LRRTM4: variants seen among roughly 807,000 people sequenced by gnomAD.
LRRTM4 encodes the protein leucine rich repeat transmembrane neuronal 4.
Under a neutral mutation model 47.6 loss-of-function variants are expected in LRRTM4, and 25 were observed. That is an observed-to-expected ratio of 0.53 (90% CI 0.38 to 0.73). The LOEUF (loss-of-function observed/expected upper bound fraction) is 0.73, where lower values mean the gene tolerates loss of function less well. LRRTM4 is among the 30% of genes least tolerant of loss of function. The pLI is 0.00. For synonymous variants in LRRTM4, 311 were observed against 269.5 expected (o/e 1.15, Z -1.51); for missense variants, 638 against 713.4 (o/e 0.89, Z 1.20).
intron 3 of LRRTM4, among the ~76,000 whole-genome samples, chr2:76,938,196 A>T (rs1032042707): frequency 3.3e-5 from 5 of 152,068 alleles, no homozygotes; most frequent in Non-Finnish European, 5.9e-5. Flanking sequence ...ATCTGTTCTC[A>T]ATCCATCTAC....
intron 3 of LRRTM4, among the ~76,000 whole-genome samples, chr2:76,888,055 G>C: frequency 6.7e-6 from 1 of 149,688 alleles, no homozygotes. Flanking sequence ...ATACATATAT[G>C]TGTGTTTGTA....
intron 3 of LRRTM4, among the ~76,000 whole-genome samples, chr2:76,907,597 A>C (rs903900771): frequency 1.4e-5 from 2 of 138,792 alleles, no homozygotes; most frequent in Non-Finnish European, 3.1e-5. Flanking sequence ...GACCACTAGC[A>C]AGACTAATAA....
At chr2:77,103,949 C>T (rs1671027492) in intron 3 of LRRTM4, among the ~76,000 whole-genome samples, 1 of 152,104 alleles carries the variant, frequency 6.6e-6, no homozygotes, top group African/African-American at 2.4e-5. Context: ...GATCTCAGTT[C>T]TGATCTGTCC....
chr2:77,114,616 T>G (rs1035752342), intron 3 of LRRTM4, among the ~76,000 whole-genome samples: 19 of 152,210 alleles, frequency 1.2e-4, no homozygotes, highest in African/African-American at 4.6e-4. Flanking sequence ...CCCCAATATT[T>G]CAACGTAGGT....
At chr2:77,407,695 TGATA>T (rs1298383344) in intron 3 of LRRTM4, among the ~76,000 whole-genome samples, 6,740 of 136,220 alleles carry the variant, frequency 0.049, 174 homozygotes, top group South Asian at 0.088. Flanking sequence ...ATATAATATA[TGATA>T]TATATAATAT....
chr2:77,438,279 A>T (rs534891816), intron 3 of LRRTM4, among the ~76,000 whole-genome samples: 1 of 152,216 alleles, frequency 6.6e-6, no homozygotes, highest in East Asian at 1.9e-4. Flanking sequence ...ACATGGATTT[A>T]AAACTGTTTT....
At chr2:76,792,666 T>C (rs1675038451) in intron 3 of LRRTM4, among the ~76,000 whole-genome samples, 1 of 152,118 alleles carries the variant, frequency 6.6e-6, no homozygotes, top group African/African-American at 2.4e-5. Flanking sequence ...CTCTGTTGAA[T>C]ACTAGATGAA....
intron 3 of LRRTM4, among the ~76,000 whole-genome samples, chr2:76,809,582 G>C (rs1038196131): frequency 6.6e-5 from 10 of 152,226 alleles, no homozygotes; most frequent in Non-Finnish European, 1.0e-4. Flanking sequence ...TCTTGTCTAT[G>C]AGAGCAATTT....
intron 3 of LRRTM4, among the ~76,000 whole-genome samples, chr2:77,238,836 AGGG>A (rs1573122997): frequency 2.0e-5 from 3 of 152,168 alleles, no homozygotes; most frequent in South Asian, 4.1e-4. Context: ...ATGTCAAACC[AGGG>A]TACTATATTC....
rs574961928 is a variant in LRRTM4 at position 77,362,577 on chromosome 2, C to T, written c.1551+155741G>A. ...TTCAGATATCATCCTAAAACTGATC[C>T]TATGCCTCCTTCCGCCCCATGAACA... On this transcript the variant is annotated intron_variant, in intron 3 of 3. Transcript: ENST00000409884. 1.3e-4 allele frequency among the ~76,000 whole-genome samples: 20 copies of T among 152,268 alleles called. 1 individual carries two copies. The South Asian group carries it at 3.1e-3, about 24-fold the overall frequency.
chr2:77,443,132 ATGGAAAAT>A (rs1434317196), intron 3 of LRRTM4, among the ~76,000 whole-genome samples: 3 of 152,164 alleles, frequency 2.0e-5, no homozygotes, highest in Non-Finnish European at 4.4e-5. Context: ...GGAAAGAGAA[ATGGAAAAT>A]TGTGTAAGAT....
intron 3 of LRRTM4, among the ~76,000 whole-genome samples, chr2:76,975,282 C>A (rs748519480): frequency 1.3e-5 from 2 of 151,734 alleles, no homozygotes; most frequent in Non-Finnish European, 2.9e-5. Flanking sequence ...ATCTTACTTC[C>A]TAATAGCTGT....
chr2:76,783,889 G>T (rs1215946692), intron 3 of LRRTM4, among the ~76,000 whole-genome samples: 1 of 152,074 alleles, frequency 6.6e-6, no homozygotes, highest in Admixed American at 6.6e-5. Context: ...TGTATGATTT[G>T]ACAGTATAAA....
intron 3 of LRRTM4, among the ~76,000 whole-genome samples, chr2:77,224,554 T>A (rs1674745681): frequency 6.6e-6 from 1 of 152,002 alleles, no homozygotes; most frequent in African/African-American, 2.4e-5. Flanking sequence ...GGGCAAAGGA[T>A]AAGAACAGAC....
At chr2:76,943,477 T>C (rs970747247) in intron 3 of LRRTM4, among the ~76,000 whole-genome samples, 3 of 152,090 alleles carry the variant, frequency 2.0e-5, no homozygotes, top group African/African-American at 7.2e-5. Flanking sequence ...GCCTGGATGA[T>C]TAATATGCAG....
At chr2:77,075,779 G>A (rs917629330) in intron 3 of LRRTM4, among the ~76,000 whole-genome samples, 1 of 148,770 alleles carries the variant, frequency 6.7e-6, no homozygotes. Context: ...GCCGGGCGTA[G>A]TGGCGGGCGC....
chr2:77,293,444 T>C (rs1024722865), intron 3 of LRRTM4, among the ~76,000 whole-genome samples: 5 of 152,084 alleles, frequency 3.3e-5, no homozygotes, highest in Non-Finnish European at 7.4e-5. Flanking sequence ...GAAATCCCTA[T>C]AACGGAAAAC....
chr2:76,786,461 A>G (rs1032723685), intron 3 of LRRTM4, among the ~76,000 whole-genome samples: 3 of 152,126 alleles, frequency 2.0e-5, no homozygotes, highest in African/African-American at 4.8e-5. Flanking sequence ...ATTGTCATAG[A>G]ACTCTAAAAA....
At chr2:76,992,098 A>G (rs1485108390) in intron 3 of LRRTM4, among the ~76,000 whole-genome samples, 5 of 151,840 alleles carry the variant, frequency 3.3e-5, no homozygotes, top group Admixed American at 2.0e-4. Context: ...CTGCACGATA[A>G]AAATTCTCAG....
Sources: gnomAD v4.1 joint callset for allele counts (sites outside exome capture counted in the v4.1 genomes callset) on GRCh38, gnomAD v4.1.1 for gene constraint, MANE v1.5 for transcripts, NCBI Gene and HGNC (gene_info 2026-07-23, HGNC 2026-07-21) for gene names.